ZC3H11A: variants seen among roughly 807,000 people sequenced by gnomAD.
The protein encoded by ZC3H11A is zinc finger CCCH domain-containing protein 11A.
ZC3H11A carries 22 observed loss-of-function variants against 90.8 expected under a neutral mutation model. That is an observed-to-expected ratio of 0.24 (90% CI 0.17 to 0.35). The LOEUF is 0.35. ZC3H11A is among the 10% of genes least tolerant of loss of function. The pLI, the probability that ZC3H11A is intolerant of heterozygous loss-of-function variation, is 1.00. For synonymous variants in ZC3H11A, 294 were observed against 339.8 expected (o/e 0.87, Z 1.48); for missense variants, 701 against 964.9 (o/e 0.73, Z 3.62).
Position 203,828,352 on chromosome 1 carries a change from A to G in ZC3H11A, c.228A>G (p.Gln76=). The G allele has an allele frequency of 6.2e-7, 1 of 1,614,126 alleles. No homozygotes were observed. Among genetic ancestry groups the G allele is most frequent in the East Asian group, 2.2e-5 (1 of 44,852 alleles). ...GGGAAAATCAGCCAACAGGATGTCA[A>G]AAATTAAACTGCGCTTTCCATCACA... is the stretch of plus-strand genomic sequence containing the variant. ...CYWENQPTGC[Q]KLNCAFHHNR... is the part of the protein sequence containing the mutation. Residue 76 remains glutamine, a synonymous_variant, in exon 5 of 18, where the codon CAA becomes CAG. Transcript: ENST00000367210.
intron 4 of ZC3H11A, among the ~76,000 whole-genome samples, chr1:203,820,458 A>G (rs1015569119): frequency 6.6e-5 from 7 of 105,944 alleles, no homozygotes; most frequent in African/African-American, 2.2e-4. Flanking sequence ...TAGCAGGAAT[A>G]TCACAAATTA....
intron 9 of ZC3H11A, 84 bp downstream of exon 9, chr1:203,831,855 TTGA>T: frequency 8.8e-7 from 1 of 1,136,618 alleles, no homozygotes; most frequent in Non-Finnish European, 1.3e-6. Context: ...TCTTTTACCT[TTGA>T]TGAATTTTCA....
intron 2 of ZC3H11A, among the ~76,000 whole-genome samples, chr1:203,816,506 G>A (rs997136618): frequency 2.6e-5 from 4 of 152,070 alleles, no homozygotes; most frequent in Non-Finnish European, 5.9e-5. Flanking sequence ...GTATGTGCCT[G>A]TAGTCCTGGA....
intron 4 of ZC3H11A, among the ~76,000 whole-genome samples, chr1:203,822,294 G>A (rs1349349605): frequency 6.6e-6 from 1 of 151,938 alleles, no homozygotes; most frequent in Admixed American, 6.6e-5. Flanking sequence ...GCTCTGACAT[G>A]ACACACACAG....
In ZC3H11A at chr1:203,805,934, C is replaced by T. The variant is rs192672142; in HGVS notation, c.-146+2918C>T. 3.2e-4 allele frequency: 208 copies of T among 651,082 alleles called. 1 individual carries two copies. In the East Asian group the frequency reaches 6.3e-3, roughly 20 times the overall value. 40.3% of individuals were successfully genotyped at this position (651,082 alleles called of 1,614,324 possible). ...TGCTTGTCTACCTTCATTTCCTTTGCTCCCAGTTTCATAGCATCAACCGTG... is the reference window on the plus strand; with the variant it reads ...TGCTTGTCTACCTTCATTTCCTTTGTTCCCAGTTTCATAGCATCAACCGTG... On this transcript the variant is annotated intron_variant, in intron 2 of 17. Coordinates refer to ENST00000367210, the MANE Select transcript of ZC3H11A (RefSeq NM_001376342.1).
chr1:203,798,180 A>C (rs1161047930), intron 1 of ZC3H11A: 1 of 1,536,138 alleles, frequency 6.5e-7, no homozygotes, highest in Non-Finnish European at 8.7e-7. Context: ...ATATATTCCT[A>C]CTGATCCATT....
Position 203,852,295 on chromosome 1 carries a change from A to T in ZC3H11A, c.2329A>T (p.Ile777Leu). The change falls in exon 18 of 18, where the codon ATA becomes TTA. Residue 777 changes from isoleucine to leucine, a missense_variant. By Grantham distance (5) the Ile-to-Leu change is conservative. Around this residue, in one of 4 missense-constraint regions of ZC3H11A, gnomAD observed 21 missense variants for 49.1 expected, o/e 0.43. Coordinates refer to ENST00000367210, the MANE Select transcript of ZC3H11A (RefSeq NM_001376342.1). ...TGTGGAGGATGATTTTGAGAAACTA[A>T]TATGGGAGATTTCAGGAGGCAAATT... is the stretch of plus-strand genomic sequence containing the variant. ...LSVEDDFEKL[I>L]WEISGGKLEA... 1.9e-6 allele frequency: 3 copies of T among 1,613,752 alleles called. No homozygotes were observed. The highest frequency in any genetic ancestry group is 2.5e-6 in the Non-Finnish European group (3 of 1,179,844).
intron 2 of ZC3H11A, chr1:203,805,945 A>G (rs1672177694): frequency 3.1e-6 from 2 of 638,872 alleles, no homozygotes; most frequent in Admixed American, 3.7e-5. Flanking sequence ...TCCCAGTTTC[A>G]TAGCATCAAC....
rs186933483 is a variant in ZC3H11A, at chr1:203,812,009, G to T, written c.-145-4917G>T. Reference sequence around the variant, plus strand: ...TTTTATATTTTTTGATAGAGACGAGGTTTCACCATGTTGGCCAGGCTGGTC... The same window carrying T: ...TTTTATATTTTTTGATAGAGACGAGTTTTCACCATGTTGGCCAGGCTGGTC... On this transcript the variant is annotated intron_variant, in intron 2 of 17. Transcript: ENST00000367210. Among the ~76,000 whole-genome samples the T allele has an allele frequency of 1.8e-3, 261 of 148,536 alleles. 2 individuals are homozygous for T. The highest frequency in any genetic ancestry group is 6.1e-3 in the African/African-American group (244 of 40,330).
chr1:203,799,973 T>C, intron 1 of ZC3H11A: 1 of 1,536,166 alleles, frequency 6.5e-7, no homozygotes, highest in Non-Finnish European at 8.7e-7. Context: ...CTTCAGAAGC[T>C]TCTTGTCCCT....
chr1:203,798,388 A>G, intron 1 of ZC3H11A: 1 of 1,535,010 alleles, frequency 6.5e-7, no homozygotes, highest in Non-Finnish European at 8.7e-7. Context: ...AATATATGTA[A>G]AAGAAGTGTG....
chr1:203,814,700 C>A (rs1340432990), intron 2 of ZC3H11A, among the ~76,000 whole-genome samples: 1 of 152,128 alleles, frequency 6.6e-6, no homozygotes, highest in Non-Finnish European at 1.5e-5. Context: ...CACCTATGAC[C>A]CAATAACAAA....
In ZC3H11A at chr1:203,822,022, C is replaced by G. The variant is rs545459574; in HGVS notation, c.174+3333C>G. Among the ~76,000 whole-genome samples, 473 of 151,986 alleles carry G rather than the reference C, an allele frequency of 3.1e-3. 1 individual carries two copies. The highest frequency in any genetic ancestry group is 5.3e-3 in the East Asian group (27 of 5,134). On this transcript the variant is annotated intron_variant, in intron 4 of 17. Coordinates refer to ENST00000367210, the MANE Select transcript of ZC3H11A (RefSeq NM_001376342.1). ...TCCGCCCGCCTTGGCCTCCCAAAGTCCTGGGATTACAGGTGTGAGCCACCG... is the reference window on the plus strand; with the variant it reads ...TCCGCCCGCCTTGGCCTCCCAAAGTGCTGGGATTACAGGTGTGAGCCACCG...
chr1:203,838,151 T>C (rs1572256852), intron 11 of ZC3H11A, 87 bp downstream of exon 11: 2 of 1,235,538 alleles, frequency 1.6e-6, no homozygotes, highest in Non-Finnish European at 2.3e-6. Flanking sequence ...TTTCATTCTT[T>C]TGTTCAGGTA....
intron 1 of ZC3H11A, chr1:203,798,773 G>T: frequency 1.3e-6 from 2 of 1,536,132 alleles, no homozygotes; most frequent in South Asian, 1.2e-5. Context: ...TTATCCAAAT[G>T]ATTGTGGAGG....
intron 11 of ZC3H11A, among the ~76,000 whole-genome samples, chr1:203,840,027 C>T (rs545193778): frequency 4.4e-4 from 66 of 151,414 alleles, no homozygotes; most frequent in African/African-American, 1.4e-3. Flanking sequence ...TGGTCTTGAA[C>T]TCCTGACCTC....
At chr1:203,838,244 GA>G (rs1187778775) in intron 11 of ZC3H11A, among the ~76,000 whole-genome samples, 180 bp downstream of exon 11, 2 of 152,074 alleles carry the variant, frequency 1.3e-5, no homozygotes, top group Non-Finnish European at 2.9e-5. Context: ...AGACACCATT[GA>G]AAAAAACACC....
intron 2 of ZC3H11A, 144 bp from the exon 3 acceptor site, chr1:203,816,782 G>T: frequency 3.4e-6 from 1 of 293,532 alleles, no homozygotes. Context: ...TACAGTATTC[G>T]CAATCAGTGT....
intron 2 of ZC3H11A, among the ~76,000 whole-genome samples, chr1:203,807,266 T>A (rs1672705921): frequency 6.6e-6 from 1 of 152,186 alleles, no homozygotes; most frequent in African/African-American, 2.4e-5. Context: ...CCAAAGCAGC[T>A]GTTTTAAACA....
Sources: gnomAD v4.1 joint callset for allele counts (sites outside exome capture counted in the v4.1 genomes callset) on GRCh38, gnomAD v4.1.1 for gene constraint, gnomAD v4.1.1 regional missense constraint, MANE v1.5 for transcripts, NCBI Gene and HGNC (gene_info 2026-07-23, HGNC 2026-07-21) for gene names.